B3GALT1: variants seen among roughly 807,000 people sequenced by gnomAD.
The protein encoded by B3GALT1 is beta-1,3-galactosyltransferase 1.
Under a neutral mutation model 23.2 loss-of-function variants are expected in B3GALT1, and 10 were observed. The observed-to-expected ratio is 0.43, with a 90% CI of 0.27 to 0.73. The LOEUF (loss-of-function observed/expected upper bound fraction) is 0.73, where lower values mean the gene tolerates loss of function less well. B3GALT1 is among the 30% of genes least tolerant of loss of function. The pLI is 0.21. For missense variants in B3GALT1, 299 were observed against 405.4 expected (o/e 0.74, Z 2.25); for synonymous variants, 156 against 141.5 (o/e 1.10, Z -0.73).
chr2:167,635,378 C>A (rs536076473), intron 2 of B3GALT1, among the ~76,000 whole-genome samples: 1 of 151,780 alleles, frequency 6.6e-6, no homozygotes, highest in Non-Finnish European at 1.5e-5. Context: ...GGAAATAAAG[C>A]GTATTCAAAT....
At chr2:167,567,475 G>A (rs536203196) in intron 2 of B3GALT1, among the ~76,000 whole-genome samples, 2 of 152,274 alleles carry the variant, frequency 1.3e-5, no homozygotes, top group East Asian at 3.9e-4. Context: ...TGAAATGATA[G>A]TGACAGTGAT....
At chr2:167,673,473 C>T (rs993961540) in intron 3 of B3GALT1, among the ~76,000 whole-genome samples, 1 of 152,016 alleles carries the variant, frequency 6.6e-6, no homozygotes, top group Non-Finnish European at 1.5e-5. Context: ...GATTCTGTAG[C>T]TTTGGAAAAA....
chr2:167,516,248 T>G (rs1324186793), intron 2 of B3GALT1, among the ~76,000 whole-genome samples: 1 of 152,128 alleles, frequency 6.6e-6, no homozygotes, highest in African/African-American at 2.4e-5. Flanking sequence ...TGTGATTTTT[T>G]GTTAGGACTG....
chr2:167,455,600 G>T (rs917660571), intron 1 of B3GALT1, among the ~76,000 whole-genome samples: 2 of 152,002 alleles, frequency 1.3e-5, no homozygotes, highest in African/African-American at 4.8e-5. Context: ...TGCAATCTAT[G>T]CCTCCAGGTT....
chr2:167,391,539 A>G (rs149941594), intron 1 of B3GALT1, among the ~76,000 whole-genome samples: 1,673 of 152,310 alleles, frequency 0.011, 12 homozygotes, highest in Non-Finnish European at 0.016. Flanking sequence ...CTTTAATGAT[A>G]GCTCTCATTA....
At chr2:167,805,541 C>T (rs1009266497) in intron 3 of B3GALT1, among the ~76,000 whole-genome samples, 2 of 152,162 alleles carry the variant, frequency 1.3e-5, no homozygotes, top group African/African-American at 4.8e-5. Context: ...CAGCTTTCTA[C>T]ATATGGCTAG....
At chr2:167,650,958 A>G (rs961462823) in intron 3 of B3GALT1, among the ~76,000 whole-genome samples, 1 of 152,148 alleles carries the variant, frequency 6.6e-6, no homozygotes, top group East Asian at 1.9e-4. Context: ...AGTATAATAA[A>G]TGCTCCTTAA....
At chr2:167,823,132 C>T (rs1158128527) in intron 4 of B3GALT1, among the ~76,000 whole-genome samples, 1 of 147,186 alleles carries the variant, frequency 6.8e-6, no homozygotes, top group Non-Finnish European at 1.5e-5. Flanking sequence ...GGTGGGGGCC[C>T]CATGGGGTGA....
At chr2:167,512,062 C>T (rs1385365541) in intron 2 of B3GALT1, among the ~76,000 whole-genome samples, 7 of 151,966 alleles carry the variant, frequency 4.6e-5, no homozygotes, top group Non-Finnish European at 1.0e-4. Context: ...TTCAAAAGTA[C>T]TATGAAGAAA....
chr2:167,741,172 A>G (rs1186687035), intron 3 of B3GALT1, among the ~76,000 whole-genome samples: 2 of 152,152 alleles, frequency 1.3e-5, no homozygotes, highest in African/African-American at 2.4e-5. Context: ...ATGACACCCC[A>G]GAATGTAGGA....
At chr2:167,674,574 A>G (rs1474821196) in intron 3 of B3GALT1, among the ~76,000 whole-genome samples, 1 of 152,216 alleles carries the variant, frequency 6.6e-6, no homozygotes, top group African/African-American at 2.4e-5. Context: ...GTCCATCCAG[A>G]GTTCAATTTG....
intron 4 of B3GALT1, among the ~76,000 whole-genome samples, chr2:167,834,862 T>G (rs1372151450): frequency 6.6e-6 from 1 of 151,612 alleles, no homozygotes; most frequent in East Asian, 1.9e-4. Flanking sequence ...AAAAAAAAAG[T>G]TTCTAAACTA....
intron 1 of B3GALT1, among the ~76,000 whole-genome samples, chr2:167,369,521 T>C (rs1697646757): frequency 6.6e-6 from 1 of 152,170 alleles, no homozygotes; most frequent in Non-Finnish European, 1.5e-5. Flanking sequence ...AAACTAGAGA[T>C]TGGAAATATT....
At chr2:167,790,526 C>T (rs1339649349) in intron 3 of B3GALT1, among the ~76,000 whole-genome samples, 2 of 152,198 alleles carry the variant, frequency 1.3e-5, no homozygotes, top group Admixed American at 1.3e-4. Flanking sequence ...CACAACCACA[C>T]GCTTTCCATG....
chr2:167,564,626 C>A (rs955082356), intron 2 of B3GALT1, among the ~76,000 whole-genome samples: 1 of 152,170 alleles, frequency 6.6e-6, no homozygotes, highest in Non-Finnish European at 1.5e-5. Context: ...CTCGGGAGGC[C>A]GAGGCCGGCG....
intron 2 of B3GALT1, among the ~76,000 whole-genome samples, chr2:167,548,687 T>TGA (rs1683688474): frequency 8.1e-6 from 1 of 123,826 alleles, no homozygotes; most frequent in Non-Finnish European, 1.6e-5. Context: ...TGTGTGTGAG[T>TGA]GTGTGTGTGT....
chr2:167,347,478 G>T (rs1697238414), intron 1 of B3GALT1, among the ~76,000 whole-genome samples: 1 of 152,154 alleles, frequency 6.6e-6, no homozygotes, highest in Non-Finnish European at 1.5e-5. Flanking sequence ...CTGATTATCA[G>T]ATCATCTTTC....
chr2:167,555,979 C>T (rs16853751), intron 2 of B3GALT1, among the ~76,000 whole-genome samples: 6,622 of 152,076 alleles, frequency 0.044, 341 homozygotes, highest in African/African-American at 0.12. Context: ...TGACTTTAGC[C>T]GAATATGAAT....
At chr2:167,535,874 A>T (rs74510093) in intron 2 of B3GALT1, among the ~76,000 whole-genome samples, 17,446 of 152,154 alleles carry the variant, frequency 0.11, 1,425 homozygotes, top group East Asian at 0.47. Flanking sequence ...AAAGTGTCTT[A>T]TTCAACAAAA....
Sources: allele counts gnomAD v4.1 joint callset (sites outside exome capture counted in the v4.1 genomes callset), GRCh38; gene constraint gnomAD v4.1.1; transcripts MANE v1.5; gene names NCBI Gene and HGNC (gene_info 2026-07-23, HGNC 2026-07-21).